Variants in ENPP2 observed in about 807,000 individuals in gnomAD.
ENPP2 encodes the protein autotaxin.
A neutral mutation model predicts 120.2 loss-of-function variants in ENPP2; 51 were observed. The ratio of observed to expected loss-of-function variants is 0.42; its 90% CI spans 0.34 to 0.54. The LOEUF is 0.54. ENPP2 is among the 20% of genes least tolerant of loss of function. The pLI, the probability that ENPP2 is intolerant of heterozygous loss-of-function variation, is 0.04. For missense variants in ENPP2, 920 were observed against 1,066.5 expected (o/e 0.86, Z 1.91); for synonymous variants, 365 against 366.4 (o/e 1.00, Z 0.04).
In ENPP2 at chr8:119,573,407, T is replaced by TAAAAAAAAAAAAAAAAAAAAAAAAAA. The variant is rs1563680979; in HGVS notation, c.1781-2567_1781-2566insTTTTTTTTTTTTTTTTTTTTTTTTTT. Among the ~76,000 whole-genome samples, 62 of 71,510 alleles carry TAAAAAAAAAAAAAAAAAAAAAAAAAA rather than the reference T, an allele frequency of 8.7e-4. 9 individuals are homozygous for TAAAAAAAAAAAAAAAAAAAAAAAAAA. The highest frequency in any genetic ancestry group is 4.1e-3 in the African/African-American group (58 of 14,040). The allele number at this position is 71,510 out of a possible 152,430, so 46.9% of individuals were successfully genotyped here. A position where few individuals can be genotyped will look rare whatever the true frequency, so the allele number is the denominator to read the frequency against. ...AGGTGACAGAGCGAGGCTCCGTCTC[T>TAAAAAAAAAAAAAAAAAAAAAAAAAA]TAAAAAAAAAAAAAAAAAAGATTCA... On this transcript the variant is annotated intron_variant, in intron 19 of 24. Transcript: ENST00000075322.
chr8:119,604,851 G>A (rs1357239936), intron 9 of ENPP2, among the ~76,000 whole-genome samples: 1 of 152,052 alleles, frequency 6.6e-6, no homozygotes, highest in Non-Finnish European at 1.5e-5. Context: ...TCGGCTCACT[G>A]CAAGCTCCGC....
intron 20 of ENPP2, among the ~76,000 whole-genome samples, chr8:119,570,497 TTC>T (rs1367721050): frequency 6.6e-6 from 1 of 152,150 alleles, no homozygotes; most frequent in Non-Finnish European, 1.5e-5. Flanking sequence ...GTGATCTACC[TTC>T]AAAGTTTAAC....
chr8:119,631,697 A>G (rs1484781017), intron 2 of ENPP2, among the ~76,000 whole-genome samples: 1 of 152,194 alleles, frequency 6.6e-6, no homozygotes, highest in Non-Finnish European at 1.5e-5. Context: ...TCCAGGGTCT[A>G]TTCCGTCCCA....
rs143892060 is a variant in ENPP2 at position 119,646,949 on chromosome 8, C to T, written c.22-8422G>A. On this transcript the variant is annotated intron_variant, in intron 1 of 25. Coordinates refer to the ENPP2 transcript ENST00000427067. ...GCCTCCCCAGTTTTGCCCTCATCTT[C>T]ACACAGAACAACAATGAACTGTGTT... Among the ~76,000 whole-genome samples the T allele has an allele frequency of 5.8e-3, 884 of 151,986 alleles. 10 individuals are homozygous for T. Among genetic ancestry groups the T allele is most frequent in the African/African-American group, 0.02 (840 of 41,458 alleles).
At chr8:119,652,787 T>A (rs1817662614) in intron 1 of ENPP2, among the ~76,000 whole-genome samples, 1 of 152,174 alleles carries the variant, frequency 6.6e-6, no homozygotes, top group Non-Finnish European at 1.5e-5. Flanking sequence ...TACCATGGAC[T>A]GTATCAAAAT....
At position 119,590,638 on chromosome 8, in the gene ENPP2, G is replaced by A. The variant is rs1220792238; in HGVS notation, c.1082-8C>T. On this transcript the variant is annotated splice_polypyrimidine_tract_variant and splice_region_variant and intron_variant, in intron 12 of 24. Coordinates refer to ENST00000075322, the MANE Select transcript of ENPP2 (RefSeq NM_001040092.3). Reference sequence around the variant, plus strand: ...ATGTGACATCTTCCATTCCTATGGGGAGGGAGAAAAAGAATATTTTCAGGC... The same window carrying A: ...ATGTGACATCTTCCATTCCTATGGGAAGGGAGAAAAAGAATATTTTCAGGC... 2 of 1,482,134 alleles carry A rather than the reference G, an allele frequency of 1.3e-6. No homozygotes were observed. Among genetic ancestry groups the A allele is most frequent in the Non-Finnish European group, 1.8e-6 (2 of 1,111,986 alleles). The allele number at this position is 1,482,134 out of a possible 1,614,324, so 91.8% of individuals were successfully genotyped here.
chr8:119,663,133 A>AAAAAAG (rs1817972553), intron 1 of ENPP2, among the ~76,000 whole-genome samples: 4 of 146,592 alleles, frequency 2.7e-5, no homozygotes, highest in Non-Finnish European at 6.0e-5. Flanking sequence ...AAAAAAAAAA[A>AAAAAAG]AAAGAAAGAA....
At chr8:119,607,020 C>A (rs1463821438) in intron 9 of ENPP2, among the ~76,000 whole-genome samples, 1 of 152,054 alleles carries the variant, frequency 6.6e-6, no homozygotes, top group Non-Finnish European at 1.5e-5. Flanking sequence ...CTGCTTATCC[C>A]CCCATCACTT....
chr8:119,660,995 A>T (rs1036925316), intron 1 of ENPP2, among the ~76,000 whole-genome samples: 1 of 152,232 alleles, frequency 6.6e-6, no homozygotes, highest in Non-Finnish European at 1.5e-5. Context: ...TCCAAAATAT[A>T]CAATAGCAAG....
chr8:119,626,762 T>G lies in ENPP2; in HGVS notation c.137-42A>C, dbSNP rs752978907. On this transcript the variant is annotated intron_variant, in intron 2 of 24. Transcript: ENST00000075322. Reference sequence around the variant, plus strand: ...GCAAAAACAATGGACTGGAGAGTGGTCATGTCACCATGGAAAGGTGGCACT... The same window carrying G: ...GCAAAAACAATGGACTGGAGAGTGGGCATGTCACCATGGAAAGGTGGCACT... 6.9e-6 allele frequency: 11 copies of G among 1,595,108 alleles called. No individual in the cohort carries two copies. The South Asian group carries it at 1.0e-4, about 14-fold the overall frequency.
chr8:119,604,425 G>A (rs910501080), intron 9 of ENPP2, among the ~76,000 whole-genome samples: 1 of 152,106 alleles, frequency 6.6e-6, no homozygotes, highest in Non-Finnish European at 1.5e-5. Flanking sequence ...AAAGGACATG[G>A]CCCTTAGCCA....
intron 21 of ENPP2, 85 bp from the exon 22 acceptor site, chr8:119,568,337 T>C: frequency 1.3e-6 from 1 of 750,404 alleles, no homozygotes; most frequent in South Asian, 1.5e-5. Context: ...GGTAGAATTT[T>C]CTTAAATGGT....
At chr8:119,588,916 G>A (rs1022059326) in intron 13 of ENPP2, among the ~76,000 whole-genome samples, 38 of 152,172 alleles carry the variant, frequency 2.5e-4, no homozygotes, top group African/African-American at 8.2e-4. Flanking sequence ...CAGTGGTTCA[G>A]CTAATCTGGC....
chr8:119,582,302 T>C (rs2130312638), intron 18 of ENPP2, 116 bp downstream of exon 18: 1 of 747,570 alleles, frequency 1.3e-6, no homozygotes, highest in East Asian at 2.6e-5. Flanking sequence ...AGCCAGTAGC[T>C]ACCATTTTGG....
chr8:119,645,377 CTT>C (rs1284496804), intron 1 of ENPP2, among the ~76,000 whole-genome samples: 12 of 152,308 alleles, frequency 7.9e-5, no homozygotes, highest in Admixed American at 6.5e-4. Flanking sequence ...CCTTTCCTCT[CTT>C]GTTTCTTGCC....
chr8:119,569,298 T>C lies in ENPP2; in HGVS notation c.1990A>G (p.Ser664Gly), dbSNP rs1451235278. ...RPDVRVSPSF[S>G]QNCLAYKNDK... ...TTTTTGTAGGCCAAACAGTTCTGAC[T>C]GAAACTCGGAGAAACACGGACATCA... Residue 664 changes from serine (S) to glycine (G), a missense_variant, in exon 21 of 25, where the codon AGT becomes GGT. By Grantham distance (56) the Ser-to-Gly change is moderately conservative. Transcript: ENST00000075322. 6.2e-7 allele frequency: 1 copy of C among 1,613,920 alleles called. No homozygotes were observed. The highest frequency in any genetic ancestry group is 1.3e-5 in the African/African-American group (1 of 74,908).
At chr8:119,643,024 T>C (rs1364486760), upstream of ENPP2, among the ~76,000 whole-genome samples, 2 of 152,196 alleles carry the variant, frequency 1.3e-5, no homozygotes, top group East Asian at 3.8e-4. Flanking sequence ...CCCAGAATAA[T>C]CCTAAGATTA....
At chr8:119,572,084 T>C (rs556167454) in intron 19 of ENPP2, 2 of 809,444 alleles carry the variant, frequency 2.5e-6, no homozygotes, top group Non-Finnish European at 4.0e-6. Flanking sequence ...ATAAATGAAA[T>C]ATAATAAACA....
intron 1 of ENPP2, among the ~76,000 whole-genome samples, chr8:119,659,974 G>C (rs533154267): frequency 1.1e-4 from 17 of 152,268 alleles, no homozygotes; most frequent in East Asian, 9.6e-4. Context: ...CTCACCACAG[G>C]CCTTTTCAAG....
Sources: allele counts gnomAD v4.1 joint callset (sites outside exome capture counted in the v4.1 genomes callset), GRCh38; gene constraint gnomAD v4.1.1; transcripts MANE v1.5; gene names NCBI Gene and HGNC (gene_info 2026-07-23, HGNC 2026-07-21).